Variants in SPIRE2 observed in about 807,000 individuals in gnomAD.
SPIRE2 encodes the protein spire type actin nucleation factor 2, also known as protein spire homolog 2.
SPIRE2 carries 76 observed loss-of-function variants against 80.7 expected under a neutral mutation model. The ratio of observed to expected loss-of-function variants is 0.94; its 90% CI spans 0.78 to 1.14. The LOEUF (loss-of-function observed/expected upper bound fraction) is 1.14, where lower values mean the gene tolerates loss of function less well. Among genes scored for constraint, SPIRE2 ranks in the 50% most tolerant of loss-of-function variants. The pLI is 0.00. For synonymous variants in SPIRE2, 535 were observed against 432.6 expected (o/e 1.24, Z -2.94); for missense variants, 1,196 against 1,015.3 (o/e 1.18, Z -2.42).
intron 3 of SPIRE2, among the ~76,000 whole-genome samples, chr16:89,851,174 A>G (rs2041623754): frequency 6.6e-6 from 1 of 152,060 alleles, no homozygotes. Context: ...CTCTTCCCCA[A>G]CTGCTCTCTC....
At chr16:89,862,835 T>C (rs2041756405) in intron 10 of SPIRE2, 1 of 153,144 alleles carries the variant, frequency 6.5e-6, no homozygotes, top group Non-Finnish European at 1.5e-5. Context: ...TGACCGACAC[T>C]GCGAACGCTG....
intron 1 of SPIRE2, among the ~76,000 whole-genome samples, chr16:89,835,604 A>G (rs922568031): frequency 2.6e-5 from 4 of 152,196 alleles, no homozygotes; most frequent in Admixed American, 2.6e-4. Flanking sequence ...GTCTCAGTGC[A>G]GGAAGACAGA....
At chr16:89,836,092 T>C (rs2041446270) in intron 1 of SPIRE2, 1 of 415,982 alleles carries the variant, frequency 2.4e-6, no homozygotes, top group Non-Finnish European at 4.9e-6. Flanking sequence ...GGAGAATCGC[T>C]TGAATCTGGG....
chr16:89,863,978 T>A lies in SPIRE2; in HGVS notation c.1778+117T>A, dbSNP rs1031442261. On this transcript the variant is annotated intron_variant, in intron 12 of 14. Coordinates refer to ENST00000378247, the MANE Select transcript of SPIRE2 (RefSeq NM_032451.2). This position sits in a 1 kb window ranked among gnomAD's most constrained non-coding sequence, Gnocchi z 4.3. ...GGAATGTTCTAGCATGTTCGATGGC[T>A]GATGAGTCCACAAGATATGGTTAGT... 5.1e-5 allele frequency: 36 copies of A among 705,474 alleles called. No homozygotes were observed. The African/African-American group carries it at 5.1e-4, about 10-fold the overall frequency. The allele number at this position is 705,474 out of a possible 1,614,324, so 43.7% of individuals were successfully genotyped here.
chr16:89,847,292 G>C (rs1036738219), intron 2 of SPIRE2: 1 of 152,388 alleles, frequency 6.6e-6, no homozygotes, highest in African/African-American at 2.4e-5. Flanking sequence ...TAGTGTCCTG[G>C]GACGTGAGTG....
At chr16:89,836,984 A>G (rs1161691058) in intron 1 of SPIRE2, among the ~76,000 whole-genome samples, 1 of 152,086 alleles carries the variant, frequency 6.6e-6, no homozygotes, top group African/African-American at 2.4e-5. Flanking sequence ...AACAAGAGTG[A>G]AACTCCAGCT....
In SPIRE2 at chr16:89,859,164, G is replaced by C; in HGVS notation, c.1273-1G>C. ...CAGGGCCGCGTCTGGTGTGTCCACA[G>C]GAAGAAGAGTCTCCGTGTGGGGAGG... On this transcript the variant is annotated splice_acceptor_variant, in intron 8 of 14. Transcript: ENST00000378247. LOFTEE classifies it high-confidence loss of function. 1 of 1,568,708 alleles carries C rather than the reference G, an allele frequency of 6.4e-7. No homozygotes were observed. Among genetic ancestry groups the C allele is most frequent in the East Asian group, 2.4e-5 (1 of 41,836 alleles).
At chr16:89,859,387 T>C in intron 9 of SPIRE2, 33 bp downstream of exon 9, 1 of 1,357,294 alleles carries the variant, frequency 7.4e-7, no homozygotes, top group Non-Finnish European at 9.7e-7. Flanking sequence ...GTACCCTCCT[T>C]CGCCCCCACC....
chr16:89,850,858 C>T (rs896317865), intron 3 of SPIRE2, among the ~76,000 whole-genome samples, 198 bp downstream of exon 3: 2 of 151,854 alleles, frequency 1.3e-5, no homozygotes, highest in Non-Finnish European at 2.9e-5. Context: ...TTTTTTTAGA[C>T]AGGGTCTCAC....
At chr16:89,865,669 G>A (rs1597225044) in intron 12 of SPIRE2, among the ~76,000 whole-genome samples, 1 of 152,006 alleles carries the variant, frequency 6.6e-6, no homozygotes. Flanking sequence ...TTCCCAGACT[G>A]AATAAAAAAG....
rs566466163 is a variant in SPIRE2 at position 89,870,625 on chromosome 16, A to C, written c.*353A>C. On this transcript the variant is annotated 3_prime_UTR_variant, in exon 15 of 15. Coordinates refer to ENST00000378247, the MANE Select transcript of SPIRE2 (RefSeq NM_032451.2). Reference sequence around the variant, plus strand: ...CTCCGTCCCCAGGAATGCGAACGGCAGTTTCCCTTCCCCAGTGGACGTCTA... The same window carrying C: ...CTCCGTCCCCAGGAATGCGAACGGCCGTTTCCCTTCCCCAGTGGACGTCTA... 1 of 197,064 alleles carries C rather than the reference A, an allele frequency of 5.1e-6. No individual in the cohort carries two copies. Among genetic ancestry groups the C allele is most frequent in the East Asian group, 1.2e-4 (1 of 8,268 alleles). The allele number at this position is 197,064 out of a possible 1,614,324, so 12.2% of individuals were successfully genotyped here.
chr16:89,862,799 A>G (rs1283042120), intron 10 of SPIRE2: 2 of 152,676 alleles, frequency 1.3e-5, no homozygotes, highest in Non-Finnish European at 2.9e-5. Flanking sequence ...ACCTTCATAG[A>G]TGGTGCCCAC....
rs1012406659 is a variant in SPIRE2 at position 89,841,805 on chromosome 16, C to T, written c.245-3517C>T. 8.1e-4 allele frequency among the ~76,000 whole-genome samples: 123 copies of T among 152,138 alleles called. 1 individual carries two copies. Among genetic ancestry groups the T allele is most frequent in the African/African-American group, 2.6e-3 (106 of 41,504 alleles). On this transcript the variant is annotated intron_variant, in intron 1 of 14. Transcript: ENST00000378247. Reference sequence around the variant, plus strand: ...CTCCACCTCCCAGGTTCAAGCCGTTCTCTTGCCTCAGCCTCCCAAGTAGCT... The same window carrying T: ...CTCCACCTCCCAGGTTCAAGCCGTTTTCTTGCCTCAGCCTCCCAAGTAGCT...
chr16:89,842,099 C>G (rs1437786872), intron 1 of SPIRE2, among the ~76,000 whole-genome samples: 1 of 151,998 alleles, frequency 6.6e-6, no homozygotes, highest in Admixed American at 6.6e-5. Context: ...GCTCTGACTG[C>G]AAAGGCCTCT....
chr16:89,829,818 G>A (rs1052295987), intron 1 of SPIRE2, among the ~76,000 whole-genome samples: 1 of 151,586 alleles, frequency 6.6e-6, no homozygotes, highest in South Asian at 2.1e-4. Context: ...AACCTGAGGC[G>A]CAGGCTTGCG....
rs71137682 is a variant in SPIRE2, at chr16:89,842,208, ATTTT to A, written c.245-3095_245-3092del. On this transcript the variant is annotated intron_variant, in intron 1 of 14. Coordinates refer to ENST00000378247, the MANE Select transcript of SPIRE2 (RefSeq NM_032451.2). ...ATACAATTAGATTCATGAACACGTAATTTTTTTTTTTTTTTTTTTTTTGTGACGG... is the reference window on the plus strand; with the variant it reads ...ATACAATTAGATTCATGAACACGTAATTTTTTTTTTTTTTTTTTGTGACGG... 4.3e-4 allele frequency among the ~76,000 whole-genome samples: 35 copies of A among 81,314 alleles called. 1 individual carries two copies. The South Asian group carries it at 5.1e-3, about 12-fold the overall frequency. The allele number at this position is 81,314 out of a possible 152,430, so 53.3% of individuals were successfully genotyped here.
In SPIRE2 at chr16:89,863,928, G is replaced by A. The variant is rs963936958; in HGVS notation, c.1778+67G>A. ...AGGCGAGAAACCTCGGGGCAGTACC[G>A]CCCACAGAACTTCCTGTGATTCCAG... On this transcript the variant is annotated intron_variant, in intron 12 of 14. Transcript: ENST00000378247. This position sits in a 1 kb window ranked among gnomAD's most constrained non-coding sequence, Gnocchi z 4.3. 17 of 1,245,348 alleles carry A rather than the reference G, an allele frequency of 1.4e-5. No individual in the cohort carries two copies. Among genetic ancestry groups the A allele is most frequent in the Non-Finnish European group, 2.0e-5 (17 of 869,438 alleles). 77.1% of individuals were successfully genotyped at this position (1,245,348 alleles called of 1,614,324 possible).
At position 89,856,340 on chromosome 16, in the gene SPIRE2, C is replaced by T. The variant is rs28479168; in HGVS notation, c.1102+104C>T. ...TTGGAAGGTGGCGTCTCCCTGAGGG[C>T]GCCTGAACCCATGGAAGACACAGAA... On this transcript the variant is annotated intron_variant, in intron 7 of 14. Transcript: ENST00000378247. 193 of 1,281,552 alleles carry T rather than the reference C, an allele frequency of 1.5e-4. 1 individual carries two copies. The African/African-American group carries it at 2.6e-3, about 17-fold the overall frequency. The allele number at this position is 1,281,552 out of a possible 1,614,324, so 79.4% of individuals were successfully genotyped here.
At position 89,831,394 on chromosome 16, in the gene SPIRE2, T is replaced by C. The variant is rs150081148; in HGVS notation, c.244+2600T>C. On this transcript the variant is annotated intron_variant, in intron 1 of 14. Transcript: ENST00000378247. ...CTTTGGATGCTAAACTTTTTTTCTT[T>C]CTTTCTTTTTTTTTTTTTTTTATGA... Among the ~76,000 whole-genome samples, 18 of 148,490 alleles carry C rather than the reference T, an allele frequency of 1.2e-4. No individual in the cohort carries two copies. The East Asian group carries it at 2.7e-3, about 23-fold the overall frequency.
Sources: gnomAD v4.1 joint callset for allele counts (sites outside exome capture counted in the v4.1 genomes callset) on GRCh38, gnomAD v4.1.1 for gene constraint, Gnocchi (gnomAD v3.1) non-coding constraint, MANE v1.5 for transcripts, NCBI Gene and HGNC (gene_info 2026-07-23, HGNC 2026-07-21) for gene names.